Variants in METTL16 observed in about 807,000 individuals in gnomAD.
METTL16 encodes methyltransferase 16, RNA N6-adenosine, also known as RNA N(6)-adenosine-methyltransferase METTL16.
METTL16 carries 19 observed loss-of-function variants against 57.9 expected under a neutral mutation model. The observed-to-expected ratio is 0.33, with a 90% CI of 0.23 to 0.48. The LOEUF is 0.48. Ranked by LOEUF, METTL16 falls within the 20% of genes least tolerant of loss-of-function variation. The pLI is 0.99. For missense variants in METTL16, 434 were observed against 691.5 expected, an observed-to-expected ratio of 0.63 and a Z score of 4.18; for synonymous variants, 246 against 255.6, an observed-to-expected ratio of 0.96 and a Z score of 0.36.
At chr17:2,478,385 G>C (rs2067281685) in intron 2 of METTL16, among the ~76,000 whole-genome samples, 1 of 152,126 alleles carries the variant, frequency 6.6e-6, no homozygotes, top group South Asian at 2.1e-4. Context: ...CTTAAAAGTG[G>C]AAAGAAGTCA....
rs141812723 is a variant in METTL16, at chr17:2,511,871, A to T, written c.-113T>A. On this transcript the variant is annotated 5_prime_UTR_variant, in exon 1 of 10. Transcript: ENST00000263092. ...CTAGAAACGCAGATGATACGCTCCC[A>T]GCGCGCCGCCATCTTGTGAAGCCAT... 2.3e-5 allele frequency: 9 copies of T among 398,630 alleles called. No individual in the cohort carries two copies. Among genetic ancestry groups the T allele is most frequent in the African/African-American group, 1.0e-4 (5 of 48,738 alleles). 24.7% of individuals were successfully genotyped at this position (398,630 alleles called of 1,614,324 possible). A position where few individuals can be genotyped will look rare whatever the true frequency, so the allele number is the denominator to read the frequency against.
At chr17:2,442,708 T>C (rs887584819) in intron 6 of METTL16, among the ~76,000 whole-genome samples, 3 of 152,124 alleles carry the variant, frequency 2.0e-5, no homozygotes, top group Admixed American at 2.0e-4. Flanking sequence ...CCTACAGGTA[T>C]TAAAGGGTGT....
chr17:2,446,874 C>A (rs956556735), intron 6 of METTL16, among the ~76,000 whole-genome samples: 1 of 152,106 alleles, frequency 6.6e-6, no homozygotes, highest in African/African-American at 2.4e-5. Context: ...GAGTCTCGTT[C>A]ACTCAGTGCT....
intron 8 of METTL16, among the ~76,000 whole-genome samples, chr17:2,428,602 T>TATATATATATATTAAA (rs376112549): frequency 2.1e-4 from 20 of 94,972 alleles, no homozygotes; most frequent in African/African-American, 7.5e-4. Flanking sequence ...TATATATATA[T>TATATATATATATTAAA]AAATTGTAAT....
chr17:2,432,793 AATATATTTT>A (rs1325233962), intron 8 of METTL16, among the ~76,000 whole-genome samples: 1 of 152,178 alleles, frequency 6.6e-6, no homozygotes, highest in Non-Finnish European at 1.5e-5. Context: ...ATGACAACAC[AATATATTTT>A]ACTGAGCATT....
rs976423941 is a variant in METTL16, at chr17:2,494,769, G to A, written c.128+7435C>T. Among the ~76,000 whole-genome samples, 7 of 151,964 alleles carry A rather than the reference G, an allele frequency of 4.6e-5. 1 individual carries two copies. Among genetic ancestry groups the A allele is most frequent in the African/African-American group, 1.7e-4 (7 of 41,360 alleles). On this transcript the variant is annotated intron_variant, in intron 2 of 9. Coordinates refer to ENST00000263092, the MANE Select transcript of METTL16 (RefSeq NM_024086.4). ...AATCCTAGCACTTTGGGAGGCTGAG[G>A]CAGGCGAATCATGAGGTCAGGAGAT...
chr17:2,462,329 G>C (rs1212723686), intron 6 of METTL16, among the ~76,000 whole-genome samples: 1 of 152,190 alleles, frequency 6.6e-6, no homozygotes, highest in Admixed American at 6.5e-5. Context: ...TCAGGAAGGA[G>C]AGAATAGGAG....
chr17:2,447,054 A>G (rs1354463313), intron 6 of METTL16, among the ~76,000 whole-genome samples: 53 of 146,032 alleles, frequency 3.6e-4, no homozygotes, highest in Non-Finnish European at 5.9e-4. Context: ...CGTCTGGGAT[A>G]TGAGGAGCCT....
chr17:2,423,060 CTG>C (rs775277111), intron 8 of METTL16, among the ~76,000 whole-genome samples: 25 of 152,134 alleles, frequency 1.6e-4, no homozygotes, highest in Admixed American at 2.6e-4. Context: ...TAAAAGGAAT[CTG>C]ACGACTGCTA....
intron 2 of METTL16, among the ~76,000 whole-genome samples, chr17:2,479,349 T>C (rs868395060): frequency 3.3e-5 from 5 of 150,326 alleles, no homozygotes; most frequent in Admixed American, 1.3e-4. Flanking sequence ...TTTTTTTTTT[T>C]CGTAGAGAAA....
intron 2 of METTL16, among the ~76,000 whole-genome samples, chr17:2,489,821 A>G (rs1053857705): frequency 1.3e-5 from 2 of 152,152 alleles, no homozygotes; most frequent in Non-Finnish European, 2.9e-5. Flanking sequence ...AGAAAGAAAA[A>G]TAAGTCCAGT....
chr17:2,448,818 A>T (rs28767924), intron 6 of METTL16, among the ~76,000 whole-genome samples: 3,359 of 137,852 alleles, frequency 0.024, 242 homozygotes, highest in African/African-American at 0.093. Flanking sequence ...AAAAAAAAAA[A>T]AAAAAAAAGA....
intron 1 of METTL16, among the ~76,000 whole-genome samples, chr17:2,509,937 C>T (rs1226554372): frequency 7.0e-6 from 1 of 142,712 alleles, no homozygotes; most frequent in South Asian, 2.3e-4. Flanking sequence ...ATTAGCTGGG[C>T]GTGGTGGTGG....
chr17:2,448,757 T>TAAA (rs1163249734), intron 6 of METTL16, among the ~76,000 whole-genome samples: 6 of 32,852 alleles, frequency 1.8e-4, no homozygotes, highest in African/African-American at 7.3e-4. Flanking sequence ...AAAAATAAAA[T>TAAA]AAAAAAAATA....
chr17:2,497,305 C>CTTTTTTTTTTTTT (rs781130501), intron 2 of METTL16, among the ~76,000 whole-genome samples: 1 of 63,784 alleles, frequency 1.6e-5, no homozygotes, highest in African/African-American at 7.0e-5. Context: ...TGCACCCGGC[C>CTTTTTTTTTTTTT]TTTTTTTTTT....
chr17:2,447,456 G>T (rs1402839346), intron 6 of METTL16, among the ~76,000 whole-genome samples: 1 of 114,690 alleles, frequency 8.7e-6, no homozygotes, highest in East Asian at 2.3e-4. Context: ...GGTGGGGGGG[G>T]TCAGCCCCCC....
rs1418430947 is a variant in METTL16, at chr17:2,450,912, G to A, written c.729-9353C>T. 3.9e-5 allele frequency among the ~76,000 whole-genome samples: 6 copies of A among 152,110 alleles called. No homozygotes were observed. In the East Asian group the frequency reaches 1.2e-3, roughly 29 times the overall value. On this transcript the variant is annotated intron_variant, in intron 6 of 9. Coordinates refer to ENST00000263092, the MANE Select transcript of METTL16 (RefSeq NM_024086.4). ...GAAATTTCAAGAATTTAAATTCTAA[G>A]AGAATTTAAGAGCCTCTAAAATCAC... is the stretch of plus-strand genomic sequence containing the variant.
At chr17:2,430,436 G>A (rs1240301262) in intron 8 of METTL16, among the ~76,000 whole-genome samples, 2 of 105,874 alleles carry the variant, frequency 1.9e-5, no homozygotes, top group South Asian at 6.2e-4. Context: ...TTTTTTTTGA[G>A]ACGGAGTCTC....
At position 2,511,745 on chromosome 17, in the gene METTL16, T is replaced by C. The variant is rs2067591005; in HGVS notation, c.-1+14A>G. 5.0e-6 allele frequency: 2 copies of C among 398,176 alleles called. No homozygotes were observed. Among genetic ancestry groups the C allele is most frequent in the Non-Finnish European group, 8.9e-6 (2 of 225,882 alleles). 24.7% of individuals were successfully genotyped at this position (398,176 alleles called of 1,614,324 possible). A position where few individuals can be genotyped will look rare whatever the true frequency, so the allele number is the denominator to read the frequency against. ...CATGATAGTAAATCTGCGTGAGAGA[T>C]ATAAGTGACCCACCTCTGAGGCCGA... On this transcript the variant is annotated intron_variant, in intron 1 of 9. Transcript: ENST00000263092.
Sources: allele counts gnomAD v4.1 joint callset (sites outside exome capture counted in the v4.1 genomes callset), GRCh38; gene constraint gnomAD v4.1.1; transcripts MANE v1.5; gene names NCBI Gene and HGNC (gene_info 2026-07-23, HGNC 2026-07-21).